FAM120A: variants seen among roughly 807,000 people sequenced by gnomAD.
The protein encoded by FAM120A is family with sequence similarity 120 member A, also known as constitutive coactivator of PPAR-gamma-like protein 1.
In FAM120A, 15 loss-of-function variants were observed where a neutral mutation model predicts 109.7. The observed-to-expected ratio is 0.14, with a 90% confidence interval of 0.09 to 0.21. FAM120A has a LOEUF of 0.21. Ranked by LOEUF, FAM120A falls within the 10% of genes least tolerant of loss-of-function variation. The pLI, the probability that FAM120A is intolerant of heterozygous loss-of-function variation, is 1.00. For synonymous variants in FAM120A, 493 were observed against 572.8 expected, an observed-to-expected ratio of 0.86 and a Z score of 1.99; for missense variants, 899 against 1,439.3, an observed-to-expected ratio of 0.62 and a Z score of 6.07.
intron 7 of FAM120A, among the ~76,000 whole-genome samples, chr9:93,518,589 T>A (rs541423989): frequency 6.6e-6 from 1 of 152,228 alleles, no homozygotes; most frequent in Admixed American, 6.5e-5. Flanking sequence ...AGTGATGAGG[T>A]CTGTGCGCAG....
chr9:93,544,469 G>T (rs571585579), intron 11 of FAM120A, among the ~76,000 whole-genome samples: 6 of 152,324 alleles, frequency 3.9e-5, no homozygotes, highest in South Asian at 4.1e-4. Flanking sequence ...TTGAAGTTCA[G>T]TTGAGTTGGG....
intron 11 of FAM120A, among the ~76,000 whole-genome samples, chr9:93,544,459 T>C (rs1391005369): frequency 6.6e-6 from 1 of 152,240 alleles, no homozygotes; most frequent in East Asian, 1.9e-4. Flanking sequence ...TGTTGACGTT[T>C]TGAAGTTCAG....
chr9:93,453,691 GAC>G (rs1397282891), intron 1 of FAM120A: 9 of 922,972 alleles, frequency 9.8e-6, no homozygotes, highest in South Asian at 5.0e-5. Flanking sequence ...GCGCCTGGCA[GAC>G]ACACAGCTGC....
At chr9:93,519,936 G>T (rs528847669) in intron 7 of FAM120A, among the ~76,000 whole-genome samples, 19 of 151,976 alleles carry the variant, frequency 1.3e-4, no homozygotes, top group Non-Finnish European at 2.6e-4. Flanking sequence ...AGTGCAGTGG[G>T]ACCATCATAA....
chr9:93,486,041 T>C (rs945758579), intron 3 of FAM120A, among the ~76,000 whole-genome samples: 9 of 152,216 alleles, frequency 5.9e-5, no homozygotes, highest in South Asian at 2.1e-4. Context: ...GGCACGATCA[T>C]AGCTGACTGT....
At chr9:93,551,900 T>C (rs1251699897) in intron 12 of FAM120A, among the ~76,000 whole-genome samples, 2 of 152,350 alleles carry the variant, frequency 1.3e-5, no homozygotes, top group East Asian at 3.9e-4. Flanking sequence ...TTTAATGTTT[T>C]TGAATTTACG....
chr9:93,549,467 T>G (rs1862018639), intron 11 of FAM120A, among the ~76,000 whole-genome samples: 1 of 152,242 alleles, frequency 6.6e-6, no homozygotes, highest in African/African-American at 2.4e-5. Context: ...GGGCTTCAAC[T>G]GAAAATATAT....
rs898286212 is a variant in FAM120A, at chr9:93,497,525, G to T, written c.859G>T (p.Ala287Ser). ...TTGCGACGTAGTGATCAAAGCCGTTGCTGACTATGTACGCAACATTCAGGA... is the reference window on the plus strand; with the variant it reads ...TTGCGACGTAGTGATCAAAGCCGTTTCTGACTATGTACGCAACATTCAGGA... ...PPCDVVIKAV[A>S]DYVRNIQDTS... Residue 287 changes from alanine to serine, a missense_variant, in exon 4 of 18, where the codon GCT becomes TCT. By Grantham distance (99) the Ala-to-Ser change is moderately conservative. This residue lies in a region of FAM120A where 258 missense variants were observed against 451.4 expected (regional missense o/e 0.57). Coordinates refer to ENST00000277165, the MANE Select transcript of FAM120A (RefSeq NM_014612.5). 1 of 1,613,598 alleles carries T rather than the reference G, an allele frequency of 6.2e-7. No homozygotes were observed. Among genetic ancestry groups the T allele is most frequent in the African/African-American group, 1.3e-5 (1 of 74,814 alleles).
intron 13 of FAM120A, 68 bp from the exon 14 acceptor site, chr9:93,557,759 G>A: frequency 6.9e-7 from 1 of 1,446,140 alleles, no homozygotes; most frequent in East Asian, 2.3e-5. Context: ...TATTTCTTTA[G>A]TGCTCATTTA....
At chr9:93,557,784 C>G (rs771281414) in intron 13 of FAM120A, 43 bp from the exon 14 acceptor site, 1 of 1,574,114 alleles carries the variant, frequency 6.4e-7, no homozygotes, top group Admixed American at 1.8e-5. Flanking sequence ...CAATTAAAAC[C>G]CCCTGTGGAT....
intron 3 of FAM120A, among the ~76,000 whole-genome samples, chr9:93,490,446 T>G (rs1220310605): frequency 6.6e-6 from 1 of 152,226 alleles, no homozygotes; most frequent in Admixed American, 6.5e-5. Context: ...AGTGGTACAT[T>G]TTAGAGAGCT....
chr9:93,538,503 T>C (rs1286989412), intron 10 of FAM120A, among the ~76,000 whole-genome samples: 3 of 152,222 alleles, frequency 2.0e-5, no homozygotes, highest in Admixed American at 6.5e-5. Context: ...AGTATAATAG[T>C]AGCTGCTCCC....
At chr9:93,468,508 G>T (rs900365691) in intron 1 of FAM120A, among the ~76,000 whole-genome samples, 10 of 152,102 alleles carry the variant, frequency 6.6e-5, no homozygotes, top group Admixed American at 4.6e-4. Context: ...TTTTCATTAG[G>T]TTTTTTTCTT....
chr9:93,520,301 A>G (rs1860790890), intron 7 of FAM120A, among the ~76,000 whole-genome samples: 1 of 152,148 alleles, frequency 6.6e-6, no homozygotes, highest in African/African-American at 2.4e-5. Flanking sequence ...GCAGTGAGCT[A>G]TGATCATACC....
At chr9:93,524,208 T>A (rs1860969653) in intron 7 of FAM120A, among the ~76,000 whole-genome samples, 1 of 152,262 alleles carries the variant, frequency 6.6e-6, no homozygotes. Context: ...TCTTCCATTT[T>A]GGTTTATTTG....
At chr9:93,546,540 T>C (rs937989571) in intron 11 of FAM120A, among the ~76,000 whole-genome samples, 2 of 152,242 alleles carry the variant, frequency 1.3e-5, no homozygotes, top group Admixed American at 6.5e-5. Context: ...GTGTGAGCAC[T>C]GAGATGCACG....
chr9:93,483,265 A>C (rs2131301313), intron 3 of FAM120A, among the ~76,000 whole-genome samples: 1 of 152,264 alleles, frequency 6.6e-6, no homozygotes, highest in Non-Finnish European at 1.5e-5. Flanking sequence ...TTATATTATA[A>C]TAGTTTAGTA....
At chr9:93,468,959 C>T (rs78271342) in intron 1 of FAM120A, among the ~76,000 whole-genome samples, 11,666 of 152,296 alleles carry the variant, frequency 0.077, 576 homozygotes, top group Non-Finnish European at 0.1. Flanking sequence ...CATCATCCCC[C>T]GCTTTTCCTC....
intron 5 of FAM120A, among the ~76,000 whole-genome samples, chr9:93,512,570 A>T (rs770451490): frequency 4.6e-5 from 7 of 150,870 alleles, no homozygotes; most frequent in Non-Finnish European, 7.4e-5. Flanking sequence ...CCTCTCTAGT[A>T]AGTGTGAAAG....
Sources: allele counts gnomAD v4.1 joint callset (sites outside exome capture counted in the v4.1 genomes callset), GRCh38; gene constraint gnomAD v4.1.1; regional missense constraint gnomAD v4.1.1; transcripts MANE v1.5; gene names NCBI Gene and HGNC (gene_info 2026-07-23, HGNC 2026-07-21).